NDUFA10: variants seen among roughly 807,000 people sequenced by gnomAD.
NDUFA10 encodes the protein NADH dehydrogenase [ubiquinone] 1 alpha subcomplex subunit 10, mitochondrial.
In NDUFA10, 40 loss-of-function variants were observed where a neutral mutation model predicts 47.8. The observed-to-expected ratio is 0.84, with a 90% CI of 0.65 to 1.09. NDUFA10 has a LOEUF of 1.09. Among genes scored for constraint, NDUFA10 ranks in the 50% least tolerant of loss-of-function variants. The pLI is 0.00. For missense variants in NDUFA10, 413 were observed against 451.1 expected (o/e 0.92, Z 0.76); for synonymous variants, 183 against 172.2 (o/e 1.06, Z -0.49).
Position 239,893,049 on chromosome 2 carries a change from T to C in NDUFA10, c.*15-342A>G, listed in dbSNP as rs191369287. Among the ~76,000 whole-genome samples the C allele has an allele frequency of 2.6e-5, 4 of 152,272 alleles. No homozygotes were observed. The East Asian group carries it at 7.7e-4, about 29-fold the overall frequency. ...GAGCCGGGACCCTCACTGGGGGTTG[T>C]AGCCAGCAACAGGAAACTAGTTGGG... is the stretch of plus-strand genomic sequence containing the variant. On this transcript the variant is annotated intron_variant, in intron 5 of 5. Transcript: ENST00000419408.
intron 4 of NDUFA10, among the ~76,000 whole-genome samples, chr2:240,015,368 A>G (rs868164788): frequency 3.3e-5 from 5 of 152,266 alleles, no homozygotes; most frequent in Non-Finnish European, 7.3e-5. Flanking sequence ...TATATAGTAT[A>G]CATGCTACTA....
chr2:239,975,608 G>T (rs952141798), intron 9 of NDUFA10, among the ~76,000 whole-genome samples: 102 of 152,206 alleles, frequency 6.7e-4, no homozygotes, highest in Admixed American at 6.7e-3. Flanking sequence ...CCAGCACACA[G>T]AAGGTGCTCG....
chr2:239,910,302 C>T (rs374795011), intron 4 of NDUFA10, among the ~76,000 whole-genome samples: 1 of 152,194 alleles, frequency 6.6e-6, no homozygotes, highest in East Asian at 1.9e-4. Context: ...ATAGCAAAAA[C>T]ATGGAATCAA....
At chr2:239,920,149 T>C (rs1693944505) in intron 4 of NDUFA10, among the ~76,000 whole-genome samples, 1 of 152,156 alleles carries the variant, frequency 6.6e-6, no homozygotes, top group African/African-American at 2.4e-5. Context: ...TGGGGCCCCA[T>C]GATGGGACTG....
chr2:239,946,961 G>A (rs2106381761), intron 4 of NDUFA10, among the ~76,000 whole-genome samples: 1 of 152,356 alleles, frequency 6.6e-6, no homozygotes, highest in East Asian at 1.9e-4. Flanking sequence ...GCGGAAGGAG[G>A]GAACCCTGCG....
At chr2:239,912,590 C>T (rs1277123035) in intron 4 of NDUFA10, among the ~76,000 whole-genome samples, 1 of 55,282 alleles carries the variant, frequency 1.8e-5, no homozygotes, top group Non-Finnish European at 3.2e-5. Context: ...GATGGTGCCA[C>T]GTGGGGCTCA....
chr2:239,896,711 T>C (rs959125425), intron 4 of NDUFA10, among the ~76,000 whole-genome samples: 10 of 152,136 alleles, frequency 6.6e-5, no homozygotes, highest in Admixed American at 6.5e-5. Flanking sequence ...TAGTTTAGAG[T>C]GAAGGATAGT....
At chr2:239,981,434 GC>G (rs1695769518) in intron 9 of NDUFA10, among the ~76,000 whole-genome samples, 1 of 152,066 alleles carries the variant, frequency 6.6e-6, no homozygotes, top group Non-Finnish European at 1.5e-5. Flanking sequence ...ACAGAGAGAA[GC>G]AATGGGGGAA....
At chr2:239,952,460 G>A (rs1694572425), downstream of NDUFA10, among the ~76,000 whole-genome samples, 1 of 152,190 alleles carries the variant, frequency 6.6e-6, no homozygotes. Context: ...GGCTTTCCTT[G>A]GCAGCCGGTG....
rs1201830654 is a variant in NDUFA10, at chr2:240,016,445, A to G, written c.548-1585T>C. 6.6e-6 allele frequency among the ~76,000 whole-genome samples: 1 copy of G among 152,070 alleles called. No individual in the cohort carries two copies. The highest frequency in any genetic ancestry group is 2.4e-5 in the African/African-American group (1 of 41,398). ...GGTGGTCCCCACCTTGCTCTATGCCACCTGTCCTTTAGCCAACATGATCTG... is the reference window on the plus strand; with the variant it reads ...GGTGGTCCCCACCTTGCTCTATGCCGCCTGTCCTTTAGCCAACATGATCTG... On this transcript the variant is annotated intron_variant, in intron 4 of 9. Transcript: ENST00000252711. This position sits in a 1 kb window ranked among gnomAD's most constrained non-coding sequence, Gnocchi z 4.4.
chr2:239,911,400 C>G (rs1693752103), intron 4 of NDUFA10, among the ~76,000 whole-genome samples: 1 of 152,140 alleles, frequency 6.6e-6, no homozygotes, highest in Non-Finnish European at 1.5e-5. Context: ...CTCTGCAAAC[C>G]CTGGGGGACT....
chr2:239,944,405 C>G (rs1694411222), intron 4 of NDUFA10, among the ~76,000 whole-genome samples: 1 of 152,234 alleles, frequency 6.6e-6, no homozygotes, highest in African/African-American at 2.4e-5. Flanking sequence ...GCATCTCTGG[C>G]TCGGACCTCT....
downstream of NDUFA10, among the ~76,000 whole-genome samples, chr2:239,954,010 G>A (rs12466838): frequency 0.3 from 44,830 of 151,956 alleles, 7,441 homozygotes; most frequent in East Asian, 0.47. Context: ...TGCCGGGACC[G>A]CTGAGTGACC....
intron 4 of NDUFA10, among the ~76,000 whole-genome samples, chr2:239,951,909 G>A (rs931079808): frequency 5.3e-5 from 8 of 152,254 alleles, no homozygotes; most frequent in African/African-American, 9.6e-5. Flanking sequence ...CCCTGCTGAC[G>A]CCTGCCCAGG....
rs1411205722 is a variant in NDUFA10 at position 239,934,649 on chromosome 2, A to C, written c.295-39335T>G. ...TCCTTGTTTGAAGCTGCATGTGATT[A>C]GTAAGTGCAGAGTCATCCTAGAGCG... On this transcript the variant is annotated intron_variant, in intron 4 of 5. Transcript: ENST00000419408. Among the ~76,000 whole-genome samples the C allele has an allele frequency of 3.3e-5, 5 of 152,274 alleles. 1 individual carries two copies. Among genetic ancestry groups the C allele is most frequent in the Middle Eastern group, 3.4e-3 (1 of 294 alleles).
At chr2:240,024,863 G>A (rs1697789429) in intron 1 of NDUFA10, among the ~76,000 whole-genome samples, 1 of 152,202 alleles carries the variant, frequency 6.6e-6, no homozygotes, top group Non-Finnish European at 1.5e-5. Flanking sequence ...AGCAGGGCCC[G>A]ACCTTTAAAC....
chr2:240,021,178 C>T lies in NDUFA10; in HGVS notation c.460+19G>A. 1 of 1,602,952 alleles carries T rather than the reference C, an allele frequency of 6.2e-7. No homozygotes were observed. The highest frequency in any genetic ancestry group is 1.3e-5 in the African/African-American group (1 of 74,782). ...GTGTTCAAGTACAGAACAGATCTAA[C>T]TGCCCAGAAATACTGCACCTGTGGT... On this transcript the variant is annotated intron_variant, in intron 3 of 9. Coordinates refer to ENST00000252711, the MANE Select transcript of NDUFA10 (RefSeq NM_004544.4).
chr2:239,940,580 C>G (rs568783965), intron 4 of NDUFA10, among the ~76,000 whole-genome samples: 1 of 152,236 alleles, frequency 6.6e-6, no homozygotes, highest in African/African-American at 2.4e-5. Flanking sequence ...GTGTTAAAAG[C>G]TAATTTTCAG....
chr2:239,899,998 G>C lies in NDUFA10; in HGVS notation c.295-4684C>G, dbSNP rs183910925. Among the ~76,000 whole-genome samples the C allele has an allele frequency of 4.6e-5, 7 of 152,038 alleles. No homozygotes were observed. In the East Asian group the frequency reaches 1.4e-3, roughly 30 times the overall value. On this transcript the variant is annotated intron_variant, in intron 4 of 5. Coordinates refer to the NDUFA10 transcript ENST00000419408. ...GGGCACCATCTAATCAGCTCCCAGA[G>C]AGGCTAGAATAAAGCAAGCAGAAGA...
Sources: allele counts gnomAD v4.1 joint callset (sites outside exome capture counted in the v4.1 genomes callset), GRCh38; gene constraint gnomAD v4.1.1; non-coding constraint Gnocchi (gnomAD v3.1); transcripts MANE v1.5; gene names NCBI Gene and HGNC (gene_info 2026-07-23, HGNC 2026-07-21).